SLC6A15: variants seen among roughly 807,000 people sequenced by gnomAD.
SLC6A15 encodes sodium-dependent neutral amino acid transporter B(0)AT2.
Under a neutral mutation model 68.5 loss-of-function variants are expected in SLC6A15, and 33 were observed. The ratio of observed to expected loss-of-function variants is 0.48; its 90% CI spans 0.37 to 0.64. The LOEUF (loss-of-function observed/expected upper bound fraction) is 0.64, where lower values mean the gene tolerates loss of function less well. Ranked by LOEUF, SLC6A15 falls within the 30% of genes least tolerant of loss-of-function variation. SLC6A15 has a pLI of 0.00. For synonymous variants in SLC6A15, 347 were observed against 301.0 expected (o/e 1.15, Z -1.58); for missense variants, 747 against 874.3 (o/e 0.85, Z 1.84).
intron 2 of SLC6A15, among the ~76,000 whole-genome samples, chr12:84,887,761 C>A (rs1487756018): frequency 6.6e-6 from 1 of 151,936 alleles, no homozygotes; most frequent in African/African-American, 2.4e-5. Context: ...GGATTTTTTT[C>A]CAGTCATGTG....
chr12:84,873,483 TA>T (rs1022011863), intron 6 of SLC6A15, among the ~76,000 whole-genome samples, 155 bp from the exon 7 acceptor site: 2 of 152,240 alleles, frequency 1.3e-5, no homozygotes, highest in African/African-American at 4.8e-5. Context: ...CATAAACATC[TA>T]TTTTTAGGAA....
At chr12:84,880,540 G>T (rs771955312) in intron 5 of SLC6A15, among the ~76,000 whole-genome samples, 9 of 152,138 alleles carry the variant, frequency 5.9e-5, no homozygotes, top group African/African-American at 9.7e-5. Flanking sequence ...CTTGTTAGTT[G>T]TATTTCCAAA....
intron 4 of SLC6A15, 69 bp downstream of exon 4, chr12:84,885,366 T>G: frequency 7.4e-7 from 1 of 1,357,524 alleles, no homozygotes. Flanking sequence ...GAAAAAAATC[T>G]TGAAAGCTTG....
Position 84,860,893 on chromosome 12 carries a change from C to T in SLC6A15, c.*739G>A, listed in dbSNP as rs1222858728. 2.0e-5 allele frequency: 3 copies of T among 152,028 alleles called. No homozygotes were observed. The highest frequency in any genetic ancestry group is 6.6e-5 in the Admixed American group (1 of 15,250). 9.4% of individuals were successfully genotyped at this position (152,028 alleles called of 1,614,324 possible). A position where few individuals can be genotyped will look rare whatever the true frequency, so the allele number is the denominator to read the frequency against. ...TAAATATCAAGTAGGTTTTTAGGCA[C>T]ACGGCATAAGAAAAATGCAGAATCT... On this transcript the variant is annotated 3_prime_UTR_variant, in exon 12 of 12. Transcript: ENST00000266682.
chr12:84,898,647 T>A (rs1411036351), intron 1 of SLC6A15, among the ~76,000 whole-genome samples: 2 of 152,230 alleles, frequency 1.3e-5, no homozygotes, highest in Non-Finnish European at 2.9e-5. Context: ...ACTGATAAAG[T>A]ACATAAGTCA....
chr12:84,880,747 G>T, intron 5 of SLC6A15: 1 of 285,702 alleles, frequency 3.5e-6, no homozygotes, highest in Non-Finnish European at 5.2e-6. Flanking sequence ...GCCTGTCAAA[G>T]CAAGTACGTT....
intron 1 of SLC6A15, among the ~76,000 whole-genome samples, chr12:84,908,011 AT>A (rs1873249698): frequency 6.6e-6 from 1 of 152,176 alleles, no homozygotes; most frequent in Admixed American, 6.5e-5. Context: ...CAGAGTAGAG[AT>A]TGCCAGGAGT....
intron 10 of SLC6A15, 31 bp downstream of exon 10, chr12:84,867,003 A>T: frequency 6.7e-7 from 1 of 1,484,978 alleles, no homozygotes; most frequent in Non-Finnish European, 9.0e-7. Context: ...CTAGAGATTA[A>T]AAGTGAATAC....
intron 10 of SLC6A15, among the ~76,000 whole-genome samples, 182 bp downstream of exon 10, chr12:84,866,852 G>T (rs1216080146): frequency 6.6e-6 from 1 of 152,052 alleles, no homozygotes; most frequent in Non-Finnish European, 1.5e-5. Context: ...AATTCTATTT[G>T]CCCAACAGGG....
At chr12:84,882,310 A>G (rs1415142362) in intron 5 of SLC6A15, 2 of 985,268 alleles carry the variant, frequency 2.0e-6, no homozygotes, top group African/African-American at 3.5e-5. Flanking sequence ...TGGCTCTGAC[A>G]TAGTGGAAGA....
chr12:84,886,425 A>G (rs901712103), intron 2 of SLC6A15, among the ~76,000 whole-genome samples: 1 of 152,158 alleles, frequency 6.6e-6, no homozygotes, highest in Admixed American at 6.5e-5. Context: ...TCTTATTCAC[A>G]CAATGTTTAT....
intron 8 of SLC6A15, among the ~76,000 whole-genome samples, chr12:84,871,976 C>T (rs1418322180): frequency 2.0e-5 from 3 of 151,778 alleles, no homozygotes; most frequent in African/African-American, 4.8e-5. Flanking sequence ...AATGGTGAAC[C>T]GCCTTCTCCC....
chr12:84,897,715 A>G (rs1872688607), intron 1 of SLC6A15, among the ~76,000 whole-genome samples: 1 of 152,146 alleles, frequency 6.6e-6, no homozygotes, highest in Non-Finnish European at 1.5e-5. Context: ...TCCGATTATA[A>G]AAGCCACAGG....
chr12:84,880,772 T>C (rs1295070169), intron 5 of SLC6A15: 1 of 458,866 alleles, frequency 2.2e-6, no homozygotes, highest in Non-Finnish European at 2.9e-6. Context: ...AGAGAGACTA[T>C]TTTATCTTTC....
intron 9 of SLC6A15, among the ~76,000 whole-genome samples, chr12:84,869,106 C>T (rs960117055): frequency 1.3e-5 from 2 of 152,024 alleles, no homozygotes; most frequent in Non-Finnish European, 2.9e-5. Context: ...ATCAGAGCAG[C>T]AAATGATAAA....
intron 1 of SLC6A15, chr12:84,912,171 C>T (rs1325655001): frequency 1.3e-5 from 2 of 152,458 alleles, no homozygotes; most frequent in Non-Finnish European, 2.9e-5. Flanking sequence ...CAACCAACCC[C>T]GACTTGGCTT....
At chr12:84,881,674 G>A in intron 5 of SLC6A15, 1 of 965,416 alleles carries the variant, frequency 1.0e-6, no homozygotes, top group Non-Finnish European at 1.2e-6. Flanking sequence ...TCTTTTAGCT[G>A]CTAAATCCTC....
At chr12:84,902,595 C>G (rs1192796040) in intron 1 of SLC6A15, among the ~76,000 whole-genome samples, 2 of 151,904 alleles carry the variant, frequency 1.3e-5, no homozygotes, top group East Asian at 3.9e-4. Flanking sequence ...TGGAAACTAT[C>G]CAGTATGCGT....
intron 2 of SLC6A15, among the ~76,000 whole-genome samples, chr12:84,889,488 G>A (rs1210384333): frequency 1.6e-5 from 2 of 128,020 alleles, no homozygotes; most frequent in African/African-American, 2.9e-5. Context: ...AGCAAGACTC[G>A]GTCTCAGAAA....
Sources: gnomAD v4.1 joint callset for allele counts (sites outside exome capture counted in the v4.1 genomes callset) on GRCh38, gnomAD v4.1.1 for gene constraint, MANE v1.5 for transcripts, NCBI Gene and HGNC (gene_info 2026-07-23, HGNC 2026-07-21) for gene names.